The following CNN2 variants were observed in gnomAD, a reference collection of about 807,000 sequenced individuals.
CNN2 encodes the protein calponin 2, also known as calponin-2.
Under a neutral mutation model 31.0 loss-of-function variants are expected in CNN2, and 21 were observed. The ratio of observed to expected loss-of-function variants is 0.68; its 90% CI spans 0.48 to 0.98. The LOEUF (loss-of-function observed/expected upper bound fraction) is 0.98. CNN2 is among the 50% of genes least tolerant of loss of function. The pLI is 0.00. For missense variants in CNN2, 399 were observed against 427.3 expected (o/e 0.93, Z 0.58); for synonymous variants, 165 against 179.6 (o/e 0.92, Z 0.65).
Position 1,037,835 on chromosome 19 carries a change from G to A in CNN2, c.865G>A (p.Asp289Asn), listed in dbSNP as rs760162257. 1.3e-5 allele frequency: 21 copies of A among 1,607,138 alleles called. No homozygotes were observed. The highest frequency in any genetic ancestry group is 1.1e-4 in the East Asian group (5 of 44,750). ...CGATGGGGCTCCCTCGGGCACCGGC[G>A]ACTGCCCGGACCCGGGGGAGGTCCC... ...VADGAPSGTG[D>N]CPDPGEVPEY... Residue 289 changes from aspartate (D) to asparagine (N), a missense_variant, in exon 7 of 7, where the codon GAC becomes AAC. Transcript: ENST00000263097.
chr19:1,029,009 G>C (rs540629946), intron 1 of CNN2, among the ~76,000 whole-genome samples: 25 of 143,900 alleles, frequency 1.7e-4, no homozygotes, highest in South Asian at 1.1e-3. Context: ...GCAGGTCCAG[G>C]TCAGGGGACC....
At position 1,037,998 on chromosome 19, in the gene CNN2, T is replaced by G; in HGVS notation, c.*98T>G. On this transcript the variant is annotated 3_prime_UTR_variant, in exon 7 of 7. Transcript: ENST00000263097. ...TTTTTTTTTTTCTTAACCCGTTCAG[T>G]GCTGCCAGTCAACCAAGGGTCTGTG... 8.1e-7 allele frequency: 1 copy of G among 1,235,698 alleles called. No individual in the cohort carries two copies. The highest frequency in any genetic ancestry group is 1.1e-6 in the Non-Finnish European group (1 of 900,690). 76.5% of individuals were successfully genotyped at this position (1,235,698 alleles called of 1,614,324 possible). A position where few individuals can be genotyped will look rare whatever the true frequency, so the allele number is the denominator to read the frequency against.
chr19:1,028,908 C>T (rs184267238), intron 1 of CNN2, among the ~76,000 whole-genome samples: 8 of 152,334 alleles, frequency 5.3e-5, no homozygotes, highest in Non-Finnish European at 1.0e-4. Context: ...TGAGCTGGTA[C>T]TGGGGGGCCT....
chr19:1,031,601 C>T (rs1164640681), intron 2 of CNN2, among the ~76,000 whole-genome samples: 5 of 131,906 alleles, frequency 3.8e-5, no homozygotes, highest in East Asian at 2.3e-4. Flanking sequence ...GTTAGCTGGG[C>T]GTGGTGGCTA....
Position 1,032,335 on chromosome 19 carries a change from G to A in CNN2, c.186-57G>A, listed in dbSNP as rs76856095. 3.4e-4 allele frequency: 553 copies of A among 1,605,474 alleles called. No homozygotes were observed. In the African/African-American group the frequency reaches 6.7e-3, roughly 20 times the overall value. ...GCTGAGATCAGCATCGGGTCTTCAC[G>A]GTTCCTCGCTGCTCACAGAGGTTTC... On this transcript the variant is annotated intron_variant, in intron 2 of 6. Transcript: ENST00000263097.
In CNN2 at chr19:1,032,664, G is replaced by A; in HGVS notation, c.358G>A (p.Val120Met). 6.2e-7 allele frequency: 1 copy of A among 1,612,172 alleles called. No homozygotes were observed. The highest frequency in any genetic ancestry group is 8.5e-7 in the Non-Finnish European group (1 of 1,179,936). Reference sequence around the variant, plus strand: ...GTTTGAGAGTGGGAACATGACGCAGGTGCAGGTGTCTCTTCTCGCCCTGGC... The same window carrying A: ...GTTTGAGAGTGGGAACATGACGCAGATGCAGGTGTCTCTTCTCGCCCTGGC... ...DLFESGNMTQ[V>M]QVSLLALAGK... The change falls in exon 4 of 7, where the codon GTG becomes ATG. Residue 120 changes from valine (V) to methionine (M), a missense_variant. By Grantham distance (21) the Val-to-Met change is conservative. Transcript: ENST00000263097.
chr19:1,030,264 G>A (rs2039465623), intron 1 of CNN2, among the ~76,000 whole-genome samples: 2 of 152,170 alleles, frequency 1.3e-5, no homozygotes, highest in South Asian at 4.1e-4. Flanking sequence ...CAGGGAATCG[G>A]TGGCAAGGAG....
chr19:1,027,952 G>C (rs1216857636), intron 1 of CNN2, among the ~76,000 whole-genome samples: 1 of 152,344 alleles, frequency 6.6e-6, no homozygotes, highest in South Asian at 2.1e-4. Context: ...AAAAAGGGAG[G>C]CTGAGGCTTG....
At position 1,032,551 on chromosome 19, in the gene CNN2, C is replaced by G. The variant is rs769570024; in HGVS notation, c.253-8C>G. The G allele has an allele frequency of 1.9e-6, 3 of 1,613,394 alleles. No individual in the cohort carries two copies. The highest frequency in any genetic ancestry group is 8.5e-7 in the Non-Finnish European group (1 of 1,179,828). The stretch of plus-strand genomic sequence containing the variant: ...CCCACTCACTGTCCCTCTCCTGCCT[C>G]TTCCCAGCTAGAAAACCTGTCCAAC... On this transcript the variant is annotated splice_region_variant and splice_polypyrimidine_tract_variant and intron_variant, in intron 3 of 6. Coordinates refer to ENST00000263097, the MANE Select transcript of CNN2 (RefSeq NM_004368.4).
At position 1,038,038 on chromosome 19, in the gene CNN2, A is replaced by ATCAGGCGTGGGC; in HGVS notation, c.*144_*145insGTGGGCTCAGGC. 1.1e-6 allele frequency: 1 copy of ATCAGGCGTGGGC among 887,862 alleles called. No individual in the cohort carries two copies. Among genetic ancestry groups the ATCAGGCGTGGGC allele is most frequent in the South Asian group, 1.8e-5 (1 of 54,472 alleles). 55.0% of individuals were successfully genotyped at this position (887,862 alleles called of 1,614,324 possible). On this transcript the variant is annotated 3_prime_UTR_variant, in exon 7 of 7. Coordinates refer to ENST00000263097, the MANE Select transcript of CNN2 (RefSeq NM_004368.4). ...AAGGGTCTGTGAGTGTCAGCGTGGG[A>ATCAGGCGTGGGC]TCAGGCAGCAGAGCTTTTTTCCCCT...
intron 2 of CNN2, among the ~76,000 whole-genome samples, 163 bp from the exon 3 acceptor site, chr19:1,032,229 C>T (rs56059558): frequency 0.21 from 26,992 of 126,802 alleles, 2,775 homozygotes; most frequent in East Asian, 0.35. Context: ...AGCTAGACGC[C>T]GTCTCAAAAA....
chr19:1,038,811 T>C lies in CNN2; in HGVS notation c.*911T>C, dbSNP rs2039676404. 6.6e-6 allele frequency: 1 copy of C among 152,248 alleles called. No homozygotes were observed. The highest frequency in any genetic ancestry group is 1.5e-5 in the Non-Finnish European group (1 of 68,108). The allele number at this position is 152,248 out of a possible 1,614,324, so 9.4% of individuals were successfully genotyped here. The stretch of plus-strand genomic sequence containing the variant: ...GGTCTCGAACTCCTGGCCTCAGGTG[T>C]GATCCGCCCGCCTCCGCCTCCCCAA... On this transcript the variant is annotated 3_prime_UTR_variant, in exon 7 of 7. Transcript: ENST00000263097.
At chr19:1,035,961 T>G in intron 4 of CNN2, 169 bp from the exon 5 acceptor site, 1 of 941,920 alleles carries the variant, frequency 1.1e-6, no homozygotes, top group Non-Finnish European at 1.5e-6. Flanking sequence ...GTATGATGGG[T>G]GTGTGGAGTG....
chr19:1,037,580 C>A (rs766023026), intron 6 of CNN2, 45 bp from the exon 7 acceptor site: 4 of 1,593,204 alleles, frequency 2.5e-6, no homozygotes, highest in Non-Finnish European at 3.4e-6. Flanking sequence ...TGAAGGTCCC[C>A]TCTTCTCTCC....
chr19:1,037,839 G>T lies in CNN2; in HGVS notation c.869G>T (p.Cys290Phe), dbSNP rs200854974. Residue 290 changes from cysteine (C) to phenylalanine (F), a missense_variant, in exon 7 of 7, where the codon TGC becomes TTC. Cys to Phe is a radical substitution (Grantham distance 205). Coordinates refer to ENST00000263097, the MANE Select transcript of CNN2 (RefSeq NM_004368.4). ...GGGGCTCCCTCGGGCACCGGCGACT[G>T]CCCGGACCCGGGGGAGGTCCCTGAA... Reference protein sequence around the residue: ...ADGAPSGTGDCPDPGEVPEYP... With the variant: ...ADGAPSGTGDFPDPGEVPEYP... 5.6e-6 allele frequency: 9 copies of T among 1,606,282 alleles called. No individual in the cohort carries two copies. The highest frequency in any genetic ancestry group is 7.7e-6 in the Non-Finnish European group (9 of 1,175,880).
chr19:1,028,913 G>A (rs2039444033), intron 1 of CNN2, among the ~76,000 whole-genome samples: 1 of 152,226 alleles, frequency 6.6e-6, no homozygotes, highest in South Asian at 2.1e-4. Context: ...TGGTACTGGG[G>A]GGCCTCCCCG....
intron 4 of CNN2, among the ~76,000 whole-genome samples, chr19:1,035,250 G>C (rs1203563039): frequency 5.6e-5 from 7 of 125,684 alleles, no homozygotes; most frequent in Non-Finnish European, 7.1e-5. Flanking sequence ...GTCTGGTGTA[G>C]AATGGAATGG....
intron 5 of CNN2, 48 bp from the exon 6 acceptor site, chr19:1,036,368 G>A (rs747828628): frequency 2.2e-5 from 35 of 1,599,624 alleles, no homozygotes; most frequent in Middle Eastern, 1.8e-4. Context: ...GGGAGGGACC[G>A]GAAGCTTGTT....
chr19:1,027,372 T>A lies in CNN2; in HGVS notation c.63+648T>A, dbSNP rs373441144. ...CTGAGATATGTGGGGTTTTGCAGCC[T>A]CGAAAGAAGAGCTGGGGCCCGGCAG... On this transcript the variant is annotated intron_variant, in intron 1 of 6. Transcript: ENST00000263097. Among the ~76,000 whole-genome samples the A allele has an allele frequency of 2.2e-4, 33 of 152,252 alleles. No homozygotes were observed. In the East Asian group the frequency reaches 3.3e-3, roughly 15 times the overall value.
Sources: gnomAD v4.1 joint callset for allele counts (sites outside exome capture counted in the v4.1 genomes callset) on GRCh38, gnomAD v4.1.1 for gene constraint, MANE v1.5 for transcripts, NCBI Gene and HGNC (gene_info 2026-07-23, HGNC 2026-07-21) for gene names.